The following NADK2 variants were observed in gnomAD, a reference collection of about 807,000 sequenced individuals.
The protein encoded by NADK2 is NAD kinase domain-containing protein 1, mitochondrial.
In NADK2, 35 loss-of-function variants were observed where a neutral mutation model predicts 62.1. The ratio of observed to expected loss-of-function variants is 0.56; its 90% CI spans 0.43 to 0.75. NADK2 has a LOEUF of 0.75. Ranked by LOEUF, NADK2 falls within the 30% of genes least tolerant of loss-of-function variation. NADK2 has a pLI of 0.00. For missense variants in NADK2, 439 were observed against 561.3 expected, an observed-to-expected ratio of 0.78 and a Z score of 2.20; for synonymous variants, 205 against 207.9, an observed-to-expected ratio of 0.99 and a Z score of 0.12.
intron 1 of NADK2, 49 bp from the exon 2 acceptor site, chr5:36,227,614 G>T: frequency 9.8e-7 from 1 of 1,019,994 alleles, no homozygotes; most frequent in Non-Finnish European, 1.4e-6. Context: ...TATTACACAT[G>T]ATGTTCTAAT....
At position 36,241,098 on chromosome 5, in the gene NADK2, C is replaced by T. The variant is rs1281753197; in HGVS notation, c.300+401G>A. ...GCCAGGGGAGCTGTTCGCAGGGCGT[C>T]CAGACCTCAGGCCACTGGCTCACTT... On this transcript the variant is annotated intron_variant, in intron 1 of 11. Coordinates refer to ENST00000381937, the MANE Select transcript of NADK2 (RefSeq NM_001085411.3). This position sits in a 1 kb window ranked among gnomAD's most constrained non-coding sequence, Gnocchi z 4.9. Among the ~76,000 whole-genome samples the T allele has an allele frequency of 1.3e-5, 2 of 152,116 alleles. No individual in the cohort carries two copies. The highest frequency in any genetic ancestry group is 2.9e-5 in the Non-Finnish European group (2 of 68,022).
intron 4 of NADK2, among the ~76,000 whole-genome samples, chr5:36,225,042 C>G (rs192427923): frequency 3.3e-5 from 5 of 152,234 alleles, no homozygotes; most frequent in Admixed American, 6.5e-5. Flanking sequence ...GTCCCCAACA[C>G]TCACCTGGGT....
At chr5:36,198,152 A>G (rs1233866414) in intron 10 of NADK2, among the ~76,000 whole-genome samples, 2 of 151,988 alleles carry the variant, frequency 1.3e-5, no homozygotes, top group East Asian at 1.9e-4. Context: ...ATTACTCAAC[A>G]TATTTTCTAG....
intron 4 of NADK2, among the ~76,000 whole-genome samples, chr5:36,222,212 T>C (rs923440962): frequency 1.3e-5 from 2 of 151,876 alleles, no homozygotes; most frequent in African/African-American, 4.8e-5. Context: ...GAGTAAGTGG[T>C]ATAAGGGAAC....
intron 1 of NADK2, among the ~76,000 whole-genome samples, chr5:36,232,724 T>C (rs1214503756): frequency 6.6e-6 from 1 of 152,206 alleles, no homozygotes; most frequent in African/African-American, 2.4e-5. Context: ...TCCCTTGATA[T>C]TGCTTGAGGT....
At chr5:36,234,252 A>G (rs951833344) in intron 1 of NADK2, among the ~76,000 whole-genome samples, 2 of 151,134 alleles carry the variant, frequency 1.3e-5, no homozygotes, top group African/African-American at 4.9e-5. Context: ...GCGCGCCTGT[A>G]GTCCCAGCTA....
Position 36,225,539 on chromosome 5 carries a change from T to TA in NADK2, c.560+2dup, listed in dbSNP as rs750327940. 6.2e-7 allele frequency: 1 copy of TA among 1,609,364 alleles called. No individual in the cohort carries two copies. The highest frequency in any genetic ancestry group is 1.1e-5 in the South Asian group (1 of 89,742). On this transcript the variant is annotated splice_region_variant and intron_variant, in intron 4 of 11. Transcript: ENST00000381937. ...CAAACAAAATGTATACGTTCTTTCT[T>TA]ACCGTTCTGGATCAGTGTTTACCCC...
chr5:36,230,807 T>C (rs556431628), intron 1 of NADK2, among the ~76,000 whole-genome samples: 2 of 152,162 alleles, frequency 1.3e-5, no homozygotes, highest in East Asian at 3.9e-4. Context: ...AAAAAATTCA[T>C]CTAAATATTT....
At chr5:36,238,843 TAA>T (rs919857789) in intron 1 of NADK2, among the ~76,000 whole-genome samples, 9 of 152,250 alleles carry the variant, frequency 5.9e-5, no homozygotes, top group Admixed American at 5.9e-4. Flanking sequence ...AAACGGTAAA[TAA>T]AAGTCAAAAC....
intron 4 of NADK2, 38 bp from the exon 5 acceptor site, chr5:36,219,717 G>C (rs1468432277): frequency 1.3e-6 from 2 of 1,531,196 alleles, no homozygotes; most frequent in East Asian, 4.6e-5. Context: ...ATATAAAGAG[G>C]AAAAGAAAAA....
chr5:36,211,217 T>C (rs1219168265), intron 7 of NADK2, among the ~76,000 whole-genome samples: 1 of 152,164 alleles, frequency 6.6e-6, no homozygotes, highest in African/African-American at 2.4e-5. Context: ...ATCTTCACAA[T>C]TTATGTTCAG....
In NADK2 at chr5:36,206,158, T is replaced by G. The variant is rs3849787; in HGVS notation, c.956+1012A>C. On this transcript the variant is annotated intron_variant, in intron 8 of 11. Coordinates refer to ENST00000381937, the MANE Select transcript of NADK2 (RefSeq NM_001085411.3). The stretch of plus-strand genomic sequence containing the variant: ...GGGCCTTTTGTGGGGTGGGAGACTG[T>G]GGGAGGGATAGCATTAGGAGAAATA... 0.012 allele frequency among the ~76,000 whole-genome samples: 1,846 copies of G among 151,752 alleles called. 157 individuals carry two copies. The East Asian group carries it at 0.21, about 18-fold the overall frequency.
rs776159093 is a variant in NADK2 at position 36,193,753 on chromosome 5, GAAC to G, written c.*1388_*1390del. On this transcript the variant is annotated 3_prime_UTR_variant, in exon 12 of 12. Coordinates refer to ENST00000381937, the MANE Select transcript of NADK2 (RefSeq NM_001085411.3). ...AACATTTATTTTAAAAAATTGATAAGAACAACATGTTAAATATTGGCAAAACTA... is the reference window on the plus strand; with the variant it reads ...AACATTTATTTTAAAAAATTGATAAGAACATGTTAAATATTGGCAAAACTA... The G allele has an allele frequency of 7.2e-5, 11 of 152,496 alleles. No individual in the cohort carries two copies. Among genetic ancestry groups the G allele is most frequent in the Admixed American group, 3.9e-4 (6 of 15,258 alleles). 9.4% of individuals were successfully genotyped at this position (152,496 alleles called of 1,614,324 possible). A position where few individuals can be genotyped will look rare whatever the true frequency, so the allele number is the denominator to read the frequency against.
intron 1 of NADK2, among the ~76,000 whole-genome samples, chr5:36,228,736 A>G (rs1474830991): frequency 6.6e-6 from 1 of 150,710 alleles, no homozygotes; most frequent in Non-Finnish European, 1.5e-5. Flanking sequence ...CTCCCACCTC[A>G]GCCTCCCAGG....
intron 1 of NADK2, among the ~76,000 whole-genome samples, chr5:36,229,685 G>A (rs562741033): frequency 5.9e-5 from 9 of 151,390 alleles, no homozygotes; most frequent in Admixed American, 5.9e-4. Flanking sequence ...CTCCCAACCC[G>A]GCCTATCTTT....
intron 2 of NADK2, among the ~76,000 whole-genome samples, 186 bp downstream of exon 2, chr5:36,227,291 A>G (rs1316518797): frequency 6.6e-6 from 1 of 152,228 alleles, no homozygotes; most frequent in South Asian, 2.1e-4. Flanking sequence ...TGACATTTTC[A>G]GAGAACAATA....
rs202127476 is a variant in NADK2, at chr5:36,230,214, A to AT, written c.301-2650dup. 1.0e-3 allele frequency among the ~76,000 whole-genome samples: 154 copies of AT among 151,740 alleles called. 4 individuals carry two copies. The East Asian group carries it at 0.028, about 28-fold the overall frequency. On this transcript the variant is annotated intron_variant, in intron 1 of 11. Transcript: ENST00000381937. ...GACTTCTGCTCCTTTCTCCTACCTC[A>AT]TTTTTCCTCCCCATTCCCAACACTC...
At chr5:36,213,222 G>A (rs1307431325) in intron 6 of NADK2, 1 of 152,174 alleles carries the variant, frequency 6.6e-6, no homozygotes, top group Admixed American at 6.5e-5. Flanking sequence ...TTAGAATCTT[G>A]ACCTTTATAA....
chr5:36,234,437 T>C (rs1352605955), intron 1 of NADK2, among the ~76,000 whole-genome samples: 1 of 138,760 alleles, frequency 7.2e-6, no homozygotes, highest in South Asian at 2.2e-4. Flanking sequence ...TTGAAACCAA[T>C]AGTAAATAAG....
Sources: allele counts gnomAD v4.1 joint callset (sites outside exome capture counted in the v4.1 genomes callset), GRCh38; gene constraint gnomAD v4.1.1; non-coding constraint Gnocchi (gnomAD v3.1); transcripts MANE v1.5; gene names NCBI Gene and HGNC (gene_info 2026-07-23, HGNC 2026-07-21).